The following SNX29 variants were observed in gnomAD, a reference collection of about 807,000 sequenced individuals.
SNX29 encodes sorting nexin-29.
Under a neutral mutation model 102.1 loss-of-function variants are expected in SNX29, and 78 were observed. The ratio of observed to expected loss-of-function variants is 0.76; its 90% CI spans 0.64 to 0.92. SNX29 has a LOEUF of 0.92. Ranked by LOEUF, SNX29 falls within the 40% of genes least tolerant of loss-of-function variation. The pLI is 0.00. For synonymous variants in SNX29, 580 were observed against 414.5 expected, an observed-to-expected ratio of 1.40 and a Z score of -4.85; for missense variants, 1,280 against 1,061.7, an observed-to-expected ratio of 1.21 and a Z score of -2.86.
chr16:12,378,443 A>C (rs551592292), intron 16 of SNX29, among the ~76,000 whole-genome samples: 1 of 152,340 alleles, frequency 6.6e-6, no homozygotes, highest in Non-Finnish European at 1.5e-5. Flanking sequence ...TGAGGTCAGG[A>C]GTTCAAGACC....
chr16:12,055,623 G>C (rs2050487301), intron 8 of SNX29, among the ~76,000 whole-genome samples: 1 of 152,136 alleles, frequency 6.6e-6, no homozygotes, highest in Admixed American at 6.6e-5. Context: ...GGAGACCCAG[G>C]GAAGAGTTGC....
rs541306187 is a variant in SNX29 at position 12,569,976 on chromosome 16, C to T, written c.*1347C>T. ...GTTAGATGGTAAGCCATGGGCTTGT[C>T]CTGGAACTGCTTCAACTCAGTGGCT... On this transcript the variant is annotated 3_prime_UTR_variant, in exon 21 of 21. Coordinates refer to ENST00000566228, the MANE Select transcript of SNX29 (RefSeq NM_032167.5). The T allele has an allele frequency of 4.4e-4, 108 of 243,064 alleles. 1 individual carries two copies. Among genetic ancestry groups the T allele is most frequent in the African/African-American group, 2.1e-3 (95 of 45,584 alleles). The allele number at this position is 243,064 out of a possible 1,614,324, so 15.1% of individuals were successfully genotyped here.
At chr16:12,548,663 C>T (rs939757125) in intron 20 of SNX29, among the ~76,000 whole-genome samples, 2 of 152,186 alleles carry the variant, frequency 1.3e-5, no homozygotes, top group Admixed American at 1.3e-4. Context: ...GTCAACTCAG[C>T]AAGAAGTGAA....
intron 15 of SNX29, among the ~76,000 whole-genome samples, chr16:12,303,630 G>C (rs770547321): frequency 1.3e-5 from 2 of 152,238 alleles, no homozygotes; most frequent in Non-Finnish European, 2.9e-5. Flanking sequence ...GAGAGGGCCA[G>C]CATTGGAGAG....
rs2079624924 is a variant in SNX29, at chr16:12,287,169, A to G, written c.1782+9133A>G. Among the ~76,000 whole-genome samples the G allele has an allele frequency of 2.6e-5, 4 of 152,180 alleles. No individual in the cohort carries two copies. In the South Asian group the frequency reaches 8.3e-4, roughly 31 times the overall value. On this transcript the variant is annotated intron_variant, in intron 15 of 20. Coordinates refer to ENST00000566228, the MANE Select transcript of SNX29 (RefSeq NM_032167.5). Reference sequence around the variant, plus strand: ...CTCTCTGCCTTGACTTCAGTTAACAACACACATAGTCATGTCAGCAGCACA... The same window carrying G: ...CTCTCTGCCTTGACTTCAGTTAACAGCACACATAGTCATGTCAGCAGCACA...
intron 19 of SNX29, among the ~76,000 whole-genome samples, chr16:12,521,350 G>A (rs2151948404): frequency 6.6e-6 from 1 of 152,142 alleles, no homozygotes; most frequent in East Asian, 1.9e-4. Flanking sequence ...CAGCTATTGT[G>A]AGGAGTGAGC....
At chr16:12,361,307 A>G (rs1175333469) in intron 16 of SNX29, among the ~76,000 whole-genome samples, 1 of 152,210 alleles carries the variant, frequency 6.6e-6, no homozygotes, top group East Asian at 1.9e-4. Flanking sequence ...CAGTGGTCCC[A>G]TTTCTTAGGA....
intron 19 of SNX29, among the ~76,000 whole-genome samples, chr16:12,514,764 C>A (rs1377414340): frequency 6.6e-6 from 1 of 152,100 alleles, no homozygotes; most frequent in Non-Finnish European, 1.5e-5. Context: ...ACTCGGGAGG[C>A]TGAGGCAGGA....
In SNX29 at chr16:12,569,755, C is replaced by CTCA. The variant is rs2079146449; in HGVS notation, c.*1127_*1129dup. The CTCA allele has an allele frequency of 4.3e-6, 1 of 230,344 alleles. No individual in the cohort carries two copies. 14.3% of individuals were successfully genotyped at this position (230,344 alleles called of 1,614,324 possible). On this transcript the variant is annotated 3_prime_UTR_variant, in exon 21 of 21. Transcript: ENST00000566228. The stretch of plus-strand genomic sequence containing the variant: ...CCCCCAGGGCTCCTCCTCCAGTGAG[C>CTCA]TCACATCAGAGCACCTCACAGAGCA...
intron 13 of SNX29, among the ~76,000 whole-genome samples, chr16:12,140,903 A>T (rs1015927650): frequency 1.3e-5 from 2 of 152,250 alleles, no homozygotes. Flanking sequence ...AATGAAATTT[A>T]TAGCGAATAT....
At chr16:12,272,567 G>A (rs1567382368) in intron 14 of SNX29, among the ~76,000 whole-genome samples, 1 of 152,246 alleles carries the variant, frequency 6.6e-6, no homozygotes, top group Non-Finnish European at 1.5e-5. Flanking sequence ...CCATGGCTAA[G>A]TGCAGGCTCC....
At chr16:12,534,454 T>G (rs1452617714) in intron 20 of SNX29, among the ~76,000 whole-genome samples, 3 of 152,182 alleles carry the variant, frequency 2.0e-5, no homozygotes, top group Non-Finnish European at 2.9e-5. Flanking sequence ...AGAACGCAGA[T>G]TAGGGAGGCT....
At chr16:12,301,706 A>G (rs1466821818) in intron 15 of SNX29, among the ~76,000 whole-genome samples, 1 of 152,198 alleles carries the variant, frequency 6.6e-6, no homozygotes, top group African/African-American at 2.4e-5. Flanking sequence ...TTCCCTTTGA[A>G]TCCTGGCTCG....
intron 19 of SNX29, among the ~76,000 whole-genome samples, chr16:12,478,126 T>C (rs1428788065): frequency 6.6e-6 from 1 of 152,234 alleles, no homozygotes; most frequent in Non-Finnish European, 1.5e-5. Context: ...AGAGTAAATA[T>C]GTTTGGCTTT....
chr16:12,022,895 C>CTT (rs34712388), intron 3 of SNX29, among the ~76,000 whole-genome samples: 16 of 124,162 alleles, frequency 1.3e-4, no homozygotes, highest in East Asian at 2.1e-4. Flanking sequence ...TACCTTATTC[C>CTT]TTTTTTTTTT....
At position 12,572,598 on chromosome 16, in the gene SNX29, C is replaced by T. The variant is rs1003891733; in HGVS notation, c.*3969C>T. ...CCATGTTCTCTGGGCTCCCAGTGAG[C>T]CCCCTCCCCTCCGGCTACCCCCAGA... On this transcript the variant is annotated 3_prime_UTR_variant, in exon 21 of 21. Transcript: ENST00000566228. 22 of 1,062,828 alleles carry T rather than the reference C, an allele frequency of 2.1e-5. No individual in the cohort carries two copies. Among genetic ancestry groups the T allele is most frequent in the African/African-American group, 1.8e-4 (11 of 60,982 alleles). The allele number at this position is 1,062,828 out of a possible 1,614,324, so 65.8% of individuals were successfully genotyped here.
chr16:12,534,737 T>A (rs2077024894), intron 20 of SNX29, among the ~76,000 whole-genome samples: 2 of 152,230 alleles, frequency 1.3e-5, no homozygotes, highest in Admixed American at 6.5e-5. Flanking sequence ...CCCCTTGCCC[T>A]ACTAAACCCA....
intron 14 of SNX29, among the ~76,000 whole-genome samples, chr16:12,205,200 T>G (rs1166510097): frequency 6.6e-6 from 1 of 152,170 alleles, no homozygotes; most frequent in Non-Finnish European, 1.5e-5. Context: ...ATTGCAGGCT[T>G]CTGAACCATT....
At chr16:12,144,602 C>G (rs1481077762) in intron 13 of SNX29, among the ~76,000 whole-genome samples, 1 of 152,244 alleles carries the variant, frequency 6.6e-6, no homozygotes, top group African/African-American at 2.4e-5. Flanking sequence ...ACGCCAGCCC[C>G]TTGATCGTGG....
Sources: gnomAD v4.1 joint callset for allele counts (sites outside exome capture counted in the v4.1 genomes callset) on GRCh38, gnomAD v4.1.1 for gene constraint, MANE v1.5 for transcripts, NCBI Gene and HGNC (gene_info 2026-07-23, HGNC 2026-07-21) for gene names.